CYREN: variants seen among roughly 807,000 people sequenced by gnomAD.
CYREN encodes cell cycle regulator of NHEJ, also known as cell cycle regulator of non-homologous end joining.
Under a neutral mutation model 9.7 loss-of-function variants are expected in CYREN, and 7 were observed. The observed-to-expected ratio is 0.72, with a 90% CI of 0.41 to 1.36. The LOEUF (loss-of-function observed/expected upper bound fraction) is 1.36, where lower values mean the gene tolerates loss of function less well. Among genes scored for constraint, CYREN ranks in the 40% most tolerant of loss-of-function variants. The pLI, the probability that CYREN is intolerant of heterozygous loss-of-function variation, is 0.01. For missense variants in CYREN, 215 were observed against 198.1 expected (o/e 1.09, Z -0.51); for synonymous variants, 76 against 77.9 (o/e 0.98, Z 0.13).
At chr7:135,115,693 CG>C in intron 2 of CYREN, 2 of 1,176,894 alleles carry the variant, frequency 1.7e-6, no homozygotes, top group South Asian at 1.8e-5. Context: ...TATTATCCTA[CG>C]AAAAAAAAAT....
chr7:135,152,668 T>G (rs1031079084), intron 2 of CYREN: 3 of 152,230 alleles, frequency 2.0e-5, no homozygotes, highest in Non-Finnish European at 4.4e-5. Flanking sequence ...CTCAGACACC[T>G]TCCACTGATC....
At chr7:135,153,852 C>T (rs114366445) in intron 2 of CYREN, among the ~76,000 whole-genome samples, 372 of 152,262 alleles carry the variant, frequency 2.4e-3, no homozygotes, top group African/African-American at 8.6e-3. Flanking sequence ...ACCCTGGCCT[C>T]GGAGAATCAG....
At chr7:135,162,558 T>G (rs1829971068), downstream of CYREN, among the ~76,000 whole-genome samples, 1 of 152,202 alleles carries the variant, frequency 6.6e-6, no homozygotes, top group Non-Finnish European at 1.5e-5. Context: ...CAAAAGCACA[T>G]CTTACATGGC....
chr7:135,170,863 C>G (rs1830617601), upstream of CYREN: 1 of 152,184 alleles, frequency 6.6e-6, no homozygotes, highest in Non-Finnish European at 1.5e-5. Context: ...GGTCCGCGGG[C>G]GCCCCATGCT....
chr7:135,169,282 A>C (rs1830473135), intron 1 of CYREN: 2 of 171,444 alleles, frequency 1.2e-5, no homozygotes, highest in East Asian at 1.6e-4. Flanking sequence ...AGCCAACCAG[A>C]GATACCTCCT....
intron 2 of CYREN, among the ~76,000 whole-genome samples, chr7:135,122,078 T>C (rs1827218445): frequency 6.6e-6 from 1 of 152,202 alleles, no homozygotes; most frequent in Admixed American, 6.5e-5. Flanking sequence ...GCCGTTTGAG[T>C]TCCTTGGGGG....
intron 2 of CYREN, among the ~76,000 whole-genome samples, chr7:135,114,542 TC>T (rs1381236558): frequency 1.3e-5 from 2 of 152,096 alleles, no homozygotes; most frequent in African/African-American, 4.8e-5. Flanking sequence ...TACTGCCATT[TC>T]CTCAAACTAG....
chr7:135,109,859 C>T (rs1488771953), intron 2 of CYREN, among the ~76,000 whole-genome samples: 1 of 152,210 alleles, frequency 6.6e-6, no homozygotes, highest in Non-Finnish European at 1.5e-5. Context: ...TGTGAAATAG[C>T]AAAGACGGTG....
intron 2 of CYREN, among the ~76,000 whole-genome samples, chr7:135,149,006 C>A (rs1715143743): frequency 6.6e-6 from 1 of 152,096 alleles, no homozygotes; most frequent in Non-Finnish European, 1.5e-5. Context: ...CTCATGATAA[C>A]TGAAGAGCAT....
chr7:135,122,414 G>A (rs1322866106), intron 2 of CYREN, among the ~76,000 whole-genome samples: 1 of 152,200 alleles, frequency 6.6e-6, no homozygotes, highest in East Asian at 1.9e-4. Context: ...TAGCGGGAGG[G>A]GTGACCACAG....
chr7:135,094,756 A>G (rs948930001), intron 2 of CYREN, among the ~76,000 whole-genome samples: 5 of 152,210 alleles, frequency 3.3e-5, no homozygotes, highest in African/African-American at 9.7e-5. Context: ...CAGAGACCAT[A>G]CCACCCAAGA....
In CYREN at chr7:135,134,116, T is replaced by C. The variant is rs536857035; in HGVS notation, n.356+34633A>G. Among the ~76,000 whole-genome samples the C allele has an allele frequency of 2.0e-5, 3 of 152,146 alleles. No individual in the cohort carries two copies. The South Asian group carries it at 6.2e-4, about 32-fold the overall frequency. On this transcript the variant is annotated intron_variant and non_coding_transcript_variant, in intron 2 of 2. Transcript: ENST00000459937. The stretch of plus-strand genomic sequence containing the variant: ...AAGCAGGTACTACAAGAGGGCAACA[T>C]GGGGGCAGTGTTCTCTATCTTGACT...
At chr7:135,098,398 T>C (rs1319285147) in intron 2 of CYREN, among the ~76,000 whole-genome samples, 1 of 152,190 alleles carries the variant, frequency 6.6e-6, no homozygotes, top group Non-Finnish European at 1.5e-5. Context: ...ATGTAAAAAG[T>C]TGTAAGACTA....
rs758122845 is a variant in CYREN, at chr7:135,168,731, G to C, written c.137+55C>G. The C allele has an allele frequency of 1.5e-5, 24 of 1,584,614 alleles. 1 individual carries two copies. The South Asian group carries it at 2.4e-4, about 16-fold the overall frequency. On this transcript the variant is annotated intron_variant, in intron 2 of 3. Transcript: ENST00000393114. ...TGGAAGACCTGGCCCAGGTCATGGA[G>C]GCCCCTGCTCCACTTGCCAGATTCG...
chr7:135,096,869 G>A (rs911142069), intron 2 of CYREN, among the ~76,000 whole-genome samples: 3 of 152,062 alleles, frequency 2.0e-5, no homozygotes, highest in Non-Finnish European at 4.4e-5. Flanking sequence ...AGGAAGATAC[G>A]CAAAATAGAG....
At chr7:135,172,245 G>C (rs1404513516), upstream of CYREN, among the ~76,000 whole-genome samples, 1 of 152,216 alleles carries the variant, frequency 6.6e-6, no homozygotes, top group African/African-American at 2.4e-5. Context: ...GTGGAAACGT[G>C]GCCTGATCAC....
intron 2 of CYREN, among the ~76,000 whole-genome samples, chr7:135,122,824 CAAAT>C (rs761255590): frequency 6.6e-6 from 1 of 152,112 alleles, no homozygotes; most frequent in African/African-American, 2.4e-5. Context: ...GAAAGAAAAA[CAAAT>C]AGAAAGCAAC....
intron 1 of CYREN, among the ~76,000 whole-genome samples, chr7:135,169,983 T>C (rs1246082685): frequency 2.0e-5 from 3 of 152,194 alleles, no homozygotes; most frequent in Non-Finnish European, 4.4e-5. Context: ...CAAAACTCAG[T>C]GATATTAGTG....
chr7:135,094,646 G>A (rs987448613), intron 2 of CYREN: 2 of 411,322 alleles, frequency 4.9e-6, no homozygotes, highest in Admixed American at 5.7e-5. Context: ...CGTAACAAGG[G>A]CCTACTCTCT....
Sources: allele counts gnomAD v4.1 joint callset (sites outside exome capture counted in the v4.1 genomes callset), GRCh38; gene constraint gnomAD v4.1.1; transcripts MANE v1.5; gene names NCBI Gene and HGNC (gene_info 2026-07-23, HGNC 2026-07-21).